PRTFDC1: variants seen among roughly 807,000 people sequenced by gnomAD.
PRTFDC1 encodes phosphoribosyltransferase domain-containing protein 1.
PRTFDC1 carries 38 observed loss-of-function variants against 34.6 expected under a neutral mutation model. The ratio of observed to expected loss-of-function variants is 1.10; its 90% CI spans 0.85 to 1.44. The LOEUF (loss-of-function observed/expected upper bound fraction) is 1.44. PRTFDC1 is among the 40% of genes most tolerant of loss of function. The probability of loss-of-function intolerance (pLI) is 0.00; values close to 1 mark genes in which losing one functional copy is unlikely to be tolerated. For synonymous variants in PRTFDC1, 93 were observed against 98.1 expected, an observed-to-expected ratio of 0.95 and a Z score of 0.31; for missense variants, 270 against 283.0, an observed-to-expected ratio of 0.95 and a Z score of 0.33.
intron 4 of PRTFDC1, among the ~76,000 whole-genome samples, chr10:24,859,551 C>T (rs938063615): frequency 6.6e-6 from 1 of 152,204 alleles, no homozygotes; most frequent in Non-Finnish European, 1.5e-5. Flanking sequence ...CAGCCACCTT[C>T]TGTCACAGTT....
intron 3 of PRTFDC1, among the ~76,000 whole-genome samples, chr10:24,932,440 G>A (rs145889458): frequency 7.2e-5 from 11 of 152,050 alleles, no homozygotes; most frequent in African/African-American, 2.6e-4. Flanking sequence ...GAACTCATAA[G>A]TGAGTTTCAT....
chr10:24,934,880 G>C (rs1000837944), intron 3 of PRTFDC1, among the ~76,000 whole-genome samples: 1 of 152,076 alleles, frequency 6.6e-6, no homozygotes, highest in African/African-American at 2.4e-5. Context: ...AATATTTTAC[G>C]GAGTTTGACT....
chr10:24,929,692 C>T (rs1489979450), intron 3 of PRTFDC1, among the ~76,000 whole-genome samples: 1 of 152,080 alleles, frequency 6.6e-6, no homozygotes, highest in Non-Finnish European at 1.5e-5. Flanking sequence ...CATTGGATTG[C>T]ATATAAATTA....
At chr10:24,910,581 C>A (rs1375845138) in intron 3 of PRTFDC1, among the ~76,000 whole-genome samples, 1 of 152,108 alleles carries the variant, frequency 6.6e-6, no homozygotes, top group Non-Finnish European at 1.5e-5. Context: ...CTTCTCCCTT[C>A]AGGAATATGT....
chr10:24,894,158 T>C (rs1316151319), intron 3 of PRTFDC1, among the ~76,000 whole-genome samples: 1 of 152,014 alleles, frequency 6.6e-6, no homozygotes. Flanking sequence ...GGTGAAACCC[T>C]GTCTCTACTA....
At chr10:24,896,625 C>A (rs1213872729) in intron 3 of PRTFDC1, among the ~76,000 whole-genome samples, 1 of 152,192 alleles carries the variant, frequency 6.6e-6, no homozygotes, top group Non-Finnish European at 1.5e-5. Flanking sequence ...TTTGGAGGCA[C>A]TTCAGAGGAA....
At chr10:24,879,183 C>G (rs1848023007) in intron 3 of PRTFDC1, among the ~76,000 whole-genome samples, 1 of 152,086 alleles carries the variant, frequency 6.6e-6, no homozygotes, top group Non-Finnish European at 1.5e-5. Context: ...CCTCGTTTTC[C>G]AATCACTCGT....
At chr10:24,869,762 A>T (rs1228770528) in intron 4 of PRTFDC1, among the ~76,000 whole-genome samples, 2 of 152,172 alleles carry the variant, frequency 1.3e-5, no homozygotes. Context: ...CTCAACAAAG[A>T]GGGTGCTCCT....
intron 3 of PRTFDC1, among the ~76,000 whole-genome samples, chr10:24,915,652 T>A (rs772965945): frequency 1.3e-5 from 2 of 152,230 alleles, no homozygotes; most frequent in Non-Finnish European, 2.9e-5. Flanking sequence ...CTAACTATGG[T>A]GGTCAACATT....
chr10:24,932,934 T>G (rs1261434486), intron 3 of PRTFDC1, among the ~76,000 whole-genome samples: 2 of 152,138 alleles, frequency 1.3e-5, no homozygotes, highest in Admixed American at 6.5e-5. Flanking sequence ...GATCTGATAG[T>G]GTCCAGAAAT....
chr10:24,946,847 C>T (rs948491659), intron 1 of PRTFDC1, among the ~76,000 whole-genome samples: 5 of 152,182 alleles, frequency 3.3e-5, no homozygotes, highest in Non-Finnish European at 5.9e-5. Context: ...TAAAACTATA[C>T]ATTTGAGGCC....
intron 1 of PRTFDC1, chr10:24,951,677 AC>A (rs1368412180): frequency 1.1e-6 from 1 of 904,174 alleles, no homozygotes; most frequent in East Asian, 1.2e-4. Context: ...TGAACCTGAC[AC>A]AAGTTATAAC....
At chr10:24,911,521 G>T (rs561384625) in intron 3 of PRTFDC1, among the ~76,000 whole-genome samples, 1 of 152,138 alleles carries the variant, frequency 6.6e-6, no homozygotes, top group African/African-American at 2.4e-5. Context: ...TTTAGTTTGA[G>T]TTATTACAAA....
chr10:24,896,241 G>A (rs973031622), intron 3 of PRTFDC1, among the ~76,000 whole-genome samples: 1 of 152,238 alleles, frequency 6.6e-6, no homozygotes, highest in African/African-American at 2.4e-5. Flanking sequence ...GCGGGGGCAT[G>A]AGATTCTCAT....
At chr10:24,930,431 G>T in intron 3 of PRTFDC1, among the ~76,000 whole-genome samples, 1 of 151,804 alleles carries the variant, frequency 6.6e-6, no homozygotes, top group South Asian at 2.1e-4. Context: ...AAACATTTCA[G>T]AAAAAAAAGC....
At chr10:24,927,376 T>A (rs1387972593) in intron 3 of PRTFDC1, among the ~76,000 whole-genome samples, 2 of 152,208 alleles carry the variant, frequency 1.3e-5, no homozygotes, top group African/African-American at 2.4e-5. Flanking sequence ...TCTGATTAAT[T>A]TTTAATGATT....
chr10:24,888,286 C>CA (rs1261894800), intron 3 of PRTFDC1, among the ~76,000 whole-genome samples: 1 of 152,214 alleles, frequency 6.6e-6, no homozygotes, highest in Non-Finnish European at 1.5e-5. Context: ...GTGTAGGACT[C>CA]AAAGAGTGGC....
At chr10:24,910,135 T>C (rs1848605760) in intron 3 of PRTFDC1, among the ~76,000 whole-genome samples, 1 of 152,144 alleles carries the variant, frequency 6.6e-6, no homozygotes, top group Non-Finnish European at 1.5e-5. Context: ...CACTCCAGCC[T>C]AGGTGACAGA....
rs573092673 is a variant in PRTFDC1 at position 24,910,210 on chromosome 10, G to A, written c.339+26974C>T. 2.6e-5 allele frequency among the ~76,000 whole-genome samples: 4 copies of A among 152,180 alleles called. 1 individual carries two copies. The South Asian group carries it at 8.3e-4, about 32-fold the overall frequency. On this transcript the variant is annotated intron_variant, in intron 3 of 8. Transcript: ENST00000320152. ...AATAACCTGAACAATGGTGGAAGCTGAAGATTCAGCAAATTAAGAACAATC... is the reference window on the plus strand; with the variant it reads ...AATAACCTGAACAATGGTGGAAGCTAAAGATTCAGCAAATTAAGAACAATC...
Sources: gnomAD v4.1 joint callset for allele counts (sites outside exome capture counted in the v4.1 genomes callset) on GRCh38, gnomAD v4.1.1 for gene constraint, MANE v1.5 for transcripts, NCBI Gene and HGNC (gene_info 2026-07-23, HGNC 2026-07-21) for gene names.